Variants in SLC24A2 observed in about 807,000 individuals in gnomAD.
SLC24A2 encodes the protein sodium/potassium/calcium exchanger 2.
A neutral mutation model predicts 62.0 loss-of-function variants in SLC24A2; 36 were observed. The ratio of observed to expected loss-of-function variants is 0.58; its 90% CI spans 0.44 to 0.77. The LOEUF is 0.77. Among genes scored for constraint, SLC24A2 ranks in the 30% least tolerant of loss-of-function variants. The pLI is 0.00. For missense variants in SLC24A2, 846 were observed against 817.9 expected (o/e 1.03, Z -0.42); for synonymous variants, 358 against 294.0 (o/e 1.22, Z -2.23).
intron 2 of SLC24A2, among the ~76,000 whole-genome samples, chr9:19,777,681 T>G (rs1822884665): frequency 6.6e-6 from 1 of 152,116 alleles, no homozygotes; most frequent in Non-Finnish European, 1.5e-5. Context: ...ATGTTCCTAT[T>G]TATTTAAATA....
At chr9:19,850,716 T>C in the SLC24A2 span, among the ~76,000 whole-genome samples, 1 of 151,916 alleles carries the variant, frequency 6.6e-6, no homozygotes, top group East Asian at 1.9e-4. Context: ...TCATACAATA[T>C]GTAGTGTTTT....
At chr9:19,594,232 GC>G (rs1395929143) in intron 5 of SLC24A2, among the ~76,000 whole-genome samples, 1 of 151,968 alleles carries the variant, frequency 6.6e-6, no homozygotes, top group Non-Finnish European at 1.5e-5. Flanking sequence ...CTCAGTGATT[GC>G]CGTGTGTTAT....
At chr9:19,925,648 A>G in the SLC24A2 span, among the ~76,000 whole-genome samples, 1 of 152,138 alleles carries the variant, frequency 6.6e-6, no homozygotes, top group Admixed American at 6.5e-5. Flanking sequence ...TGCGTCATGT[A>G]TTTTTCACAG....
At chr9:20,178,813 A>G in the SLC24A2 span, among the ~76,000 whole-genome samples, 130,541 of 152,146 alleles carry the variant, frequency 0.86, 56,332 homozygotes, top group Non-Finnish European at 0.9. Flanking sequence ...TGCTTCTCCA[A>G]CATATTGATA....
chr9:20,191,664 T>C, the SLC24A2 span, among the ~76,000 whole-genome samples: 1 of 151,110 alleles, frequency 6.6e-6, no homozygotes. Flanking sequence ...CAGTAGAGAA[T>C]TCAGGGCAAA....
the SLC24A2 span, among the ~76,000 whole-genome samples, chr9:20,182,347 G>T: frequency 6.6e-6 from 1 of 152,318 alleles, no homozygotes; most frequent in South Asian, 2.1e-4. Context: ...TATGTTTATT[G>T]TGGTACTATT....
At chr9:20,274,736 T>C in the SLC24A2 span, among the ~76,000 whole-genome samples, 1 of 152,140 alleles carries the variant, frequency 6.6e-6, no homozygotes, top group Admixed American at 6.5e-5. Flanking sequence ...GCTTTGTCCC[T>C]CTTTGTCCCC....
In SLC24A2 at chr9:19,510,166, C is replaced by G. The variant is rs182875223; in HGVS notation, c.*5987G>C. The G allele has an allele frequency of 8.5e-4, 130 of 152,096 alleles. 1 individual carries two copies. Among genetic ancestry groups the G allele is most frequent in the African/African-American group, 3.1e-3 (127 of 41,490 alleles). 9.4% of individuals were successfully genotyped at this position (152,096 alleles called of 1,614,324 possible). On this transcript the variant is annotated 3_prime_UTR_variant, in exon 11 of 11. Transcript: ENST00000341998. ...AAAGCAGTTTGTGACCTTGACTTCA[C>G]CAGAGCTTCATGGTCATGCTGCACC...
chr9:19,884,501 G>C, the SLC24A2 span, among the ~76,000 whole-genome samples: 1 of 152,130 alleles, frequency 6.6e-6, no homozygotes, highest in Non-Finnish European at 1.5e-5. Flanking sequence ...GTTTTTCATT[G>C]TGAAATCTGT....
chr9:19,766,369 G>T (rs980393171), intron 2 of SLC24A2, among the ~76,000 whole-genome samples: 50 of 152,346 alleles, frequency 3.3e-4, no homozygotes, highest in African/African-American at 1.2e-3. Context: ...CTTTGGAGGA[G>T]AAGAGGCATT....
the SLC24A2 span, among the ~76,000 whole-genome samples, chr9:20,105,267 T>C: frequency 0.22 from 33,179 of 148,536 alleles, 4,054 homozygotes; most frequent in East Asian, 0.58. Flanking sequence ...TAACACCCCA[T>C]TGTCAACATT....
the SLC24A2 span, among the ~76,000 whole-genome samples, chr9:20,178,639 G>T: frequency 3.3e-5 from 5 of 152,182 alleles, no homozygotes; most frequent in South Asian, 1.0e-3. Context: ...TGCTGATAAG[G>T]AGGAATAGAC....
At chr9:20,223,528 A>C in the SLC24A2 span, among the ~76,000 whole-genome samples, 2 of 152,190 alleles carry the variant, frequency 1.3e-5, no homozygotes, top group Admixed American at 1.3e-4. Context: ...AAAACTGAGA[A>C]GAAGATCTTG....
chr9:19,820,042 C>CATATATATATATATATATAT, the SLC24A2 span, among the ~76,000 whole-genome samples: 4 of 32,862 alleles, frequency 1.2e-4, no homozygotes, highest in African/African-American at 2.8e-4. Flanking sequence ...TATATATATA[C>CATATATATATATATATATAT]ATATATATAT....
the SLC24A2 span, among the ~76,000 whole-genome samples, chr9:19,990,625 A>C: frequency 2.0e-5 from 3 of 149,904 alleles, no homozygotes; most frequent in South Asian, 2.1e-4. Flanking sequence ...ACAAAAAAAA[A>C]AAAACAAAAC....
chr9:19,567,298 G>C (rs1161433611), intron 7 of SLC24A2, among the ~76,000 whole-genome samples: 1 of 151,754 alleles, frequency 6.6e-6, no homozygotes, highest in Non-Finnish European at 1.5e-5. Context: ...TGTAATCCCA[G>C]CACTTTGGGA....
At chr9:19,558,889 G>A (rs1011385145) in intron 7 of SLC24A2, among the ~76,000 whole-genome samples, 3 of 152,214 alleles carry the variant, frequency 2.0e-5, no homozygotes, top group Non-Finnish European at 2.9e-5. Flanking sequence ...TATAGTGAGT[G>A]TGTGGGAGGC....
At chr9:20,182,763 C>T in the SLC24A2 span, among the ~76,000 whole-genome samples, 130 of 151,988 alleles carry the variant, frequency 8.6e-4, no homozygotes, top group Middle Eastern at 0.01. Context: ...GCACATGTAC[C>T]CCAGAATTTA....
At chr9:19,972,992 T>G in the SLC24A2 span, among the ~76,000 whole-genome samples, 1 of 152,172 alleles carries the variant, frequency 6.6e-6, no homozygotes, top group African/African-American at 2.4e-5. Flanking sequence ...TGATGGGATC[T>G]TTCAACTGGT....
Sources: gnomAD v4.1 joint callset for allele counts (sites outside exome capture counted in the v4.1 genomes callset) on GRCh38, gnomAD v4.1.1 for gene constraint, MANE v1.5 for transcripts, NCBI Gene and HGNC (gene_info 2026-07-23, HGNC 2026-07-21) for gene names.